HSDL2: variants seen among roughly 807,000 people sequenced by gnomAD.
HSDL2 encodes hydroxysteroid dehydrogenase like 2.
Under a neutral mutation model 46.3 loss-of-function variants are expected in HSDL2, and 27 were observed. That is an observed-to-expected ratio of 0.58 (90% CI 0.43 to 0.80). The LOEUF (loss-of-function observed/expected upper bound fraction) is 0.80. Ranked by LOEUF, HSDL2 falls within the 30% of genes least tolerant of loss-of-function variation. HSDL2 has a pLI of 0.00. For missense variants in HSDL2, 451 were observed against 502.7 expected (o/e 0.90, Z 0.98); for synonymous variants, 153 against 163.6 (o/e 0.94, Z 0.50).
In HSDL2 at chr9:112,441,686, G is replaced by C. The variant is rs1241631538; in HGVS notation, c.794-13G>C. 1.3e-6 allele frequency: 2 copies of C among 1,599,816 alleles called. No individual in the cohort carries two copies. The highest frequency in any genetic ancestry group is 1.3e-5 in the African/African-American group (1 of 74,698). On this transcript the variant is annotated splice_polypyrimidine_tract_variant and intron_variant, in intron 7 of 10. Transcript: ENST00000398805. ...AGTTACATTAACCTAATGGTTTGGG[G>C]TCAATTTTTCAGGTCATCCTTTGCA...
chr9:112,381,088 T>TACACACACACAC (rs111459650), intron 1 of HSDL2, among the ~76,000 whole-genome samples: 28,435 of 133,948 alleles, frequency 0.21, 2,845 homozygotes, highest in South Asian at 0.33. Flanking sequence ...TACATCCGGA[T>TACACACACACAC]ACACACACAC....
Position 112,438,598 on chromosome 9 carries a change from A to C in HSDL2, c.766A>C (p.Asn256His). 1.9e-6 allele frequency: 3 copies of C among 1,599,664 alleles called. No homozygotes were observed. Among genetic ancestry groups the C allele is most frequent in the Non-Finnish European group, 2.6e-6 (3 of 1,172,822 alleles). ...TATCTTAAAAGAAGAAGGAATAGAAAATTTTGACGTTTATGCAATTAAACC... is the reference window on the plus strand; with the variant it reads ...TATCTTAAAAGAAGAAGGAATAGAACATTTTGACGTTTATGCAATTAAACC... ...ENILKEEGIENFDVYAIKPGH... is the reference protein window; with the variant it reads ...ENILKEEGIEHFDVYAIKPGH... Residue 256 changes from asparagine (N) to histidine (H), a missense_variant, in exon 7 of 11, where the codon AAT (asparagine) becomes CAT (histidine). By Grantham distance (68) the Asn-to-His change is moderately conservative. Coordinates refer to ENST00000398805, the MANE Select transcript of HSDL2 (RefSeq NM_032303.5).
chr9:112,450,760 A>G (rs1832867249), intron 8 of HSDL2, among the ~76,000 whole-genome samples: 1 of 152,092 alleles, frequency 6.6e-6, no homozygotes, highest in Admixed American at 6.6e-5. Flanking sequence ...TTTAAAATGT[A>G]TACCCAGAAA....
intron 6 of HSDL2, among the ~76,000 whole-genome samples, chr9:112,431,717 G>C (rs1344312907): frequency 6.6e-6 from 1 of 152,074 alleles, no homozygotes; most frequent in Admixed American, 6.6e-5. Flanking sequence ...CTTTTGCCAT[G>C]TGACGTGCCT....
chr9:112,404,982 T>G (rs1831692188), intron 2 of HSDL2, among the ~76,000 whole-genome samples: 1 of 152,260 alleles, frequency 6.6e-6, no homozygotes, highest in Non-Finnish European at 1.5e-5. Flanking sequence ...AGATAGGTGA[T>G]GGATTCCTGT....
At position 112,380,181 on chromosome 9, in the gene HSDL2, G is replaced by C. The variant is rs1467164547; in HGVS notation, c.17+1G>C. Reference sequence around the variant, plus strand: ...CGAAAGTCATGTTACCCAACACCGGGTAAGGGGGTAGGGGCGGCGCGGGGA... The same window carrying C: ...CGAAAGTCATGTTACCCAACACCGGCTAAGGGGGTAGGGGCGGCGCGGGGA... On this transcript the variant is annotated splice_donor_variant, in intron 1 of 10. Coordinates refer to ENST00000398805, the MANE Select transcript of HSDL2 (RefSeq NM_032303.5). LOFTEE classifies it high-confidence loss of function. 1.3e-6 allele frequency: 2 copies of C among 1,572,906 alleles called. No homozygotes were observed. Among genetic ancestry groups the C allele is most frequent in the African/African-American group, 2.7e-5 (2 of 73,628 alleles).
chr9:112,419,928 T>C (rs1315410289), intron 6 of HSDL2, among the ~76,000 whole-genome samples: 2 of 152,232 alleles, frequency 1.3e-5, no homozygotes. Flanking sequence ...GTTCTTACCC[T>C]CTGCTTGTAT....
At chr9:112,388,317 TG>T (rs1831261383) in intron 1 of HSDL2, among the ~76,000 whole-genome samples, 1 of 151,738 alleles carries the variant, frequency 6.6e-6, no homozygotes, top group African/African-American at 2.4e-5. Context: ...AAAAATTAGC[TG>T]GGCGTTGTGG....
intron 1 of HSDL2, among the ~76,000 whole-genome samples, chr9:112,391,046 C>A (rs1203564310): frequency 1.3e-5 from 2 of 151,848 alleles, no homozygotes; most frequent in Non-Finnish European, 2.9e-5. Context: ...CATGGTGGCA[C>A]ATGCCTGTAA....
At chr9:112,395,821 G>C (rs796537920) in intron 1 of HSDL2, among the ~76,000 whole-genome samples, 6 of 152,174 alleles carry the variant, frequency 3.9e-5, no homozygotes, top group African/African-American at 1.4e-4. Context: ...GGAAAGAGGA[G>C]GTTCCACATT....
chr9:112,383,182 T>A (rs1831137214), intron 1 of HSDL2, among the ~76,000 whole-genome samples: 1 of 152,080 alleles, frequency 6.6e-6, no homozygotes, highest in Non-Finnish European at 1.5e-5. Flanking sequence ...TAAGTGGTTC[T>A]CCTGCCTTAG....
Position 112,411,252 on chromosome 9 carries a change from A to G in HSDL2, c.395+2231A>G, listed in dbSNP as rs145128845. On this transcript the variant is annotated intron_variant, in intron 4 of 10. Coordinates refer to ENST00000398805, the MANE Select transcript of HSDL2 (RefSeq NM_032303.5). ...TTGGGAAAATGAGACTTATGCCAAG[A>G]GGGCCGTATGTTCAAGCAAAATGGG... 3.2e-3 allele frequency among the ~76,000 whole-genome samples: 488 copies of G among 152,366 alleles called. 6 individuals carry two copies. The highest frequency in any genetic ancestry group is 0.014 in the Middle Eastern group (4 of 294).
intron 8 of HSDL2, among the ~76,000 whole-genome samples, chr9:112,444,594 T>C (rs1281685125): frequency 6.6e-6 from 1 of 151,768 alleles, no homozygotes; most frequent in African/African-American, 2.4e-5. Flanking sequence ...AAAAATTAGC[T>C]GGGTGTGATG....
chr9:112,449,398 T>C (rs1475933721), intron 8 of HSDL2, among the ~76,000 whole-genome samples: 2 of 152,158 alleles, frequency 1.3e-5, no homozygotes, highest in Non-Finnish European at 2.9e-5. Flanking sequence ...CTTTCCTCTG[T>C]TTTAAAAATT....
intron 6 of HSDL2, among the ~76,000 whole-genome samples, chr9:112,435,549 TACTTA>T (rs764478883): frequency 6.6e-6 from 1 of 152,098 alleles, no homozygotes; most frequent in Non-Finnish European, 1.5e-5. Context: ...TTGGGCAAGT[TACTTA>T]ACTTCTCTGT....
intron 10 of HSDL2, among the ~76,000 whole-genome samples, chr9:112,461,987 T>C (rs1833223867): frequency 6.6e-6 from 1 of 152,246 alleles, no homozygotes; most frequent in African/African-American, 2.4e-5. Context: ...GTATATTTTA[T>C]AGGTATGGTT....
chr9:112,385,132 C>T (rs1831188472), intron 1 of HSDL2, among the ~76,000 whole-genome samples: 1 of 140,596 alleles, frequency 7.1e-6, no homozygotes, highest in African/African-American at 2.7e-5. Context: ...ACAACAGAAC[C>T]ACTTTAATAT....
chr9:112,430,104 AAG>A (rs1441990743), intron 6 of HSDL2, among the ~76,000 whole-genome samples: 1 of 152,040 alleles, frequency 6.6e-6, no homozygotes, highest in Non-Finnish European at 1.5e-5. Flanking sequence ...AAAGAAAGAA[AAG>A]AGATGTTTGG....
At chr9:112,464,430 A>C (rs1008267597) in intron 10 of HSDL2, among the ~76,000 whole-genome samples, 5 of 152,164 alleles carry the variant, frequency 3.3e-5, no homozygotes, top group Non-Finnish European at 5.9e-5. Context: ...GATCAAGTTT[A>C]ATCTATTATT....
Sources: gnomAD v4.1 joint callset for allele counts (sites outside exome capture counted in the v4.1 genomes callset) on GRCh38, gnomAD v4.1.1 for gene constraint, MANE v1.5 for transcripts, NCBI Gene and HGNC (gene_info 2026-07-23, HGNC 2026-07-21) for gene names.